Variants in CRPPA observed in about 807,000 individuals in gnomAD.
The protein encoded by CRPPA is CDP-L-ribitol pyrophosphorylase A, also known as D-ribitol-5-phosphate cytidylyltransferase.
CRPPA carries 43 observed loss-of-function variants against 52.0 expected under a neutral mutation model. The ratio of observed to expected loss-of-function variants is 0.83; its 90% CI spans 0.65 to 1.07. The LOEUF (loss-of-function observed/expected upper bound fraction) is 1.07, where lower values mean the gene tolerates loss of function less well. Ranked by LOEUF, CRPPA falls within the 50% of genes least tolerant of loss-of-function variation. The probability of loss-of-function intolerance (pLI) is 0.00; values close to 1 mark genes in which losing one functional copy is unlikely to be tolerated. For synonymous variants in CRPPA, 250 were observed against 203.5 expected, an observed-to-expected ratio of 1.23 and a Z score of -1.94; for missense variants, 629 against 551.7, an observed-to-expected ratio of 1.14 and a Z score of -1.40.
intron 8 of CRPPA, among the ~76,000 whole-genome samples, chr7:16,253,785 T>G (rs1178313848): frequency 6.6e-6 from 1 of 151,998 alleles, no homozygotes; most frequent in Admixed American, 6.6e-5. Flanking sequence ...GAAACTACCA[T>G]CAGAGTGAAC....
intron 9 of CRPPA, among the ~76,000 whole-genome samples, chr7:16,154,248 G>A (rs371027184): frequency 4.6e-5 from 7 of 151,854 alleles, no homozygotes; most frequent in Non-Finnish European, 7.4e-5. Flanking sequence ...CTTAAAAAAT[G>A]GGACACATGG....
intron 5 of CRPPA, among the ~76,000 whole-genome samples, chr7:16,283,356 C>T (rs531886167): frequency 6.7e-6 from 1 of 149,680 alleles, no homozygotes; most frequent in East Asian, 2.0e-4. Flanking sequence ...TAATAACTTC[C>T]CAACTTAAAA....
intron 5 of CRPPA, among the ~76,000 whole-genome samples, chr7:16,297,225 G>A (rs1005819126): frequency 2.0e-5 from 3 of 152,164 alleles, no homozygotes; most frequent in African/African-American, 7.2e-5. Context: ...TGAGAGCAAT[G>A]TATATATCTT....
intron 1 of CRPPA, among the ~76,000 whole-genome samples, chr7:16,413,027 G>A (rs1039496063): frequency 3.3e-5 from 5 of 152,164 alleles, no homozygotes; most frequent in Admixed American, 2.0e-4. Flanking sequence ...ACCTCTGAAA[G>A]CCCTCTCATC....
intron 3 of CRPPA, among the ~76,000 whole-genome samples, chr7:16,328,863 T>C (rs1785480016): frequency 6.6e-6 from 1 of 152,120 alleles, no homozygotes; most frequent in African/African-American, 2.4e-5. Context: ...AGAGAGAATA[T>C]ATGGCAATTT....
At chr7:16,206,827 A>G (rs1781985432) in intron 9 of CRPPA, among the ~76,000 whole-genome samples, 2 of 152,276 alleles carry the variant, frequency 1.3e-5, no homozygotes, top group Middle Eastern at 3.4e-3. Context: ...GAATTACTGT[A>G]GATATGTTTA....
At chr7:16,399,992 G>A (rs759812647) in intron 2 of CRPPA, among the ~76,000 whole-genome samples, 7 of 152,074 alleles carry the variant, frequency 4.6e-5, no homozygotes, top group South Asian at 2.1e-4. Flanking sequence ...CGTGACTGAC[G>A]CATTTGACAT....
chr7:16,280,980 A>G (rs191027982), intron 5 of CRPPA, among the ~76,000 whole-genome samples: 146 of 152,290 alleles, frequency 9.6e-4, no homozygotes, highest in African/African-American at 3.4e-3. Flanking sequence ...AGATCACGCC[A>G]CTACACTCCA....
chr7:16,383,648 C>G (rs1048286167), intron 2 of CRPPA, among the ~76,000 whole-genome samples: 4 of 152,246 alleles, frequency 2.6e-5, no homozygotes, highest in African/African-American at 9.6e-5. Flanking sequence ...TGGGCTCCAC[C>G]CAGTTCGAGC....
chr7:16,227,160 C>G (rs1381226650), intron 8 of CRPPA, among the ~76,000 whole-genome samples: 1 of 151,864 alleles, frequency 6.6e-6, no homozygotes, highest in Non-Finnish European at 1.5e-5. Context: ...AGGTTGATTC[C>G]ATATCCTAGC....
At chr7:16,096,894 T>C (rs534380922) in intron 9 of CRPPA, among the ~76,000 whole-genome samples, 51 of 152,358 alleles carry the variant, frequency 3.3e-4, no homozygotes, top group African/African-American at 1.2e-3. Flanking sequence ...TTTTGGATGA[T>C]GGCTTTATGA....
At chr7:16,165,708 T>C (rs1219567691) in intron 9 of CRPPA, among the ~76,000 whole-genome samples, 1 of 152,238 alleles carries the variant, frequency 6.6e-6, no homozygotes, top group Non-Finnish European at 1.5e-5. Flanking sequence ...AATTCCCTTC[T>C]TCCACCTTGC....
intron 8 of CRPPA, among the ~76,000 whole-genome samples, chr7:16,231,938 G>A (rs931265126): frequency 1.3e-5 from 2 of 152,188 alleles, no homozygotes; most frequent in Non-Finnish European, 2.9e-5. Flanking sequence ...ATGGTACATG[G>A]AGGAATCCAG....
At chr7:16,355,621 G>A (rs2128308392) in intron 3 of CRPPA, among the ~76,000 whole-genome samples, 1 of 152,292 alleles carries the variant, frequency 6.6e-6, no homozygotes, top group Admixed American at 6.5e-5. Flanking sequence ...AGGTATGGAA[G>A]TAGTCCCAAA....
chr7:16,144,298 T>G (rs960302188), intron 9 of CRPPA, among the ~76,000 whole-genome samples: 3 of 152,222 alleles, frequency 2.0e-5, no homozygotes, highest in African/African-American at 4.8e-5. Flanking sequence ...TAGGCCCAAC[T>G]GAAGTTCCTG....
intron 9 of CRPPA, among the ~76,000 whole-genome samples, chr7:16,102,826 G>C (rs1286761405): frequency 6.6e-6 from 1 of 152,188 alleles, no homozygotes; most frequent in Non-Finnish European, 1.5e-5. Context: ...AGAGGATGTG[G>C]AGAAATAGGA....
At chr7:16,398,330 A>G (rs1437257530) in intron 2 of CRPPA, among the ~76,000 whole-genome samples, 1 of 151,226 alleles carries the variant, frequency 6.6e-6, no homozygotes, top group African/African-American at 2.5e-5. Flanking sequence ...CACATGATCA[A>G]TACGTTATCA....
intron 9 of CRPPA, among the ~76,000 whole-genome samples, chr7:16,202,926 C>T (rs998167613): frequency 2.6e-5 from 4 of 151,898 alleles, no homozygotes; most frequent in African/African-American, 9.7e-5. Flanking sequence ...AGGGAATATA[C>T]TGGAAAAAAG....
At chr7:16,411,515 G>A (rs1278865060) in intron 1 of CRPPA, among the ~76,000 whole-genome samples, 1 of 151,704 alleles carries the variant, frequency 6.6e-6, no homozygotes, top group African/African-American at 2.4e-5. Flanking sequence ...ATTCTTTCAT[G>A]TGTTCCTTTA....
Sources: gnomAD v4.1 joint callset for allele counts (sites outside exome capture counted in the v4.1 genomes callset) on GRCh38, gnomAD v4.1.1 for gene constraint, MANE v1.5 for transcripts, NCBI Gene and HGNC (gene_info 2026-07-23, HGNC 2026-07-21) for gene names.